ZMYM2: variants seen among roughly 807,000 people sequenced by gnomAD.
The protein encoded by ZMYM2 is zinc finger MYM-type containing 2.
Under a neutral mutation model 162.8 loss-of-function variants are expected in ZMYM2, and 56 were observed. The observed-to-expected ratio is 0.34, with a 90% CI of 0.28 to 0.43. The LOEUF is 0.43. ZMYM2 is among the 20% of genes least tolerant of loss of function. ZMYM2 has a pLI of 1.00. For synonymous variants in ZMYM2, 510 were observed against 541.6 expected, an observed-to-expected ratio of 0.94 and a Z score of 0.81; for missense variants, 1,275 against 1,621.8, an observed-to-expected ratio of 0.79 and a Z score of 3.67.
chr13:19,873,448 G>A, the ZMYM2 span, among the ~76,000 whole-genome samples: 6 of 149,484 alleles, frequency 4.0e-5, no homozygotes, highest in African/African-American at 1.5e-4. Context: ...TTGCTCTGTC[G>A]CCCAGGCTGG....
the ZMYM2 span, among the ~76,000 whole-genome samples, chr13:19,925,908 G>A: frequency 6.6e-6 from 1 of 151,824 alleles, no homozygotes; most frequent in Non-Finnish European, 1.5e-5. Context: ...CTCATAACAG[G>A]GGTTGGGGAT....
At chr13:19,997,143 T>C (rs1426138196) in intron 3 of ZMYM2, among the ~76,000 whole-genome samples, 1 of 152,228 alleles carries the variant, frequency 6.6e-6, no homozygotes, top group African/African-American at 2.4e-5. Context: ...CAGATCTGTG[T>C]AGTTTTGTTG....
chr13:19,949,029 G>A, the ZMYM2 span, among the ~76,000 whole-genome samples: 19 of 152,114 alleles, frequency 1.2e-4, no homozygotes, highest in African/African-American at 4.3e-4. Flanking sequence ...CAGCTCTTTG[G>A]GAGGCCGAGG....
chr13:20,006,602 A>C lies in ZMYM2; in HGVS notation c.1512+16A>C. The C allele has an allele frequency of 6.2e-7, 1 of 1,611,928 alleles. No homozygotes were observed. The highest frequency in any genetic ancestry group is 8.5e-7 in the Non-Finnish European group (1 of 1,178,680). On this transcript the variant is annotated intron_variant, in intron 6 of 24. Transcript: ENST00000610343. ...ATACAAACAGGTAATTCATGTTCTAATCAAAATTGGGCATTCTTTAGAATG... is the reference window on the plus strand; with the variant it reads ...ATACAAACAGGTAATTCATGTTCTACTCAAAATTGGGCATTCTTTAGAATG...
chr13:19,983,957 T>C (rs1948938866), intron 2 of ZMYM2, among the ~76,000 whole-genome samples: 1 of 152,206 alleles, frequency 6.6e-6, no homozygotes, highest in African/African-American at 2.4e-5. Context: ...ATTTTAAATC[T>C]ATCATATTAA....
intron 2 of ZMYM2, among the ~76,000 whole-genome samples, chr13:19,983,081 T>G (rs1168356830): frequency 6.6e-6 from 1 of 152,212 alleles, no homozygotes; most frequent in African/African-American, 2.4e-5. Context: ...GTTTTTCAGG[T>G]AAATCTTCCG....
At chr13:19,935,431 A>C in the ZMYM2 span, among the ~76,000 whole-genome samples, 2 of 152,126 alleles carry the variant, frequency 1.3e-5, no homozygotes, top group Non-Finnish European at 2.9e-5. Context: ...GCCACCACGC[A>C]CAGCTGGTGT....
intron 16 of ZMYM2, 141 bp from the exon 17 acceptor site, chr13:20,060,912 T>C (rs886954810): frequency 5.6e-5 from 43 of 770,276 alleles, no homozygotes; most frequent in Admixed American, 2.4e-4. Flanking sequence ...ACAGTTAACA[T>C]CTTAGTTTTG....
intron 19 of ZMYM2, chr13:20,066,647 A>C (rs948065036): frequency 2.5e-6 from 1 of 406,564 alleles, no homozygotes; most frequent in African/African-American, 2.1e-5. Flanking sequence ...TTGCTGTCTC[A>C]GGTGGCACGA....
chr13:20,048,830 C>G (rs1352181201), intron 12 of ZMYM2, among the ~76,000 whole-genome samples: 3 of 147,968 alleles, frequency 2.0e-5, no homozygotes, highest in Non-Finnish European at 4.5e-5. Context: ...CCCCCTCCCT[C>G]TTAGTTTGCT....
chr13:19,947,596 T>C, the ZMYM2 span, among the ~76,000 whole-genome samples: 1 of 151,740 alleles, frequency 6.6e-6, no homozygotes, highest in Non-Finnish European at 1.5e-5. Context: ...GTAGCTGGGA[T>C]TACAGGCACA....
chr13:19,937,866 C>T, the ZMYM2 span, among the ~76,000 whole-genome samples: 3 of 147,874 alleles, frequency 2.0e-5, no homozygotes, highest in Non-Finnish European at 4.4e-5. Flanking sequence ...TCAATTCCCA[C>T]CTATGAGTGA....
intron 19 of ZMYM2, among the ~76,000 whole-genome samples, chr13:20,066,126 C>T (rs978352206): frequency 6.6e-6 from 1 of 152,144 alleles, no homozygotes; most frequent in Admixed American, 6.5e-5. Context: ...TCAGGAATAC[C>T]AGTCAGTTCA....
At chr13:20,012,819 T>C (rs1951313066) in intron 6 of ZMYM2, among the ~76,000 whole-genome samples, 1 of 152,212 alleles carries the variant, frequency 6.6e-6, no homozygotes, top group Non-Finnish European at 1.5e-5. Flanking sequence ...CTGATCTACA[T>C]GTGTGATCTT....
chr13:19,982,064 G>A (rs1339426191), intron 2 of ZMYM2, among the ~76,000 whole-genome samples: 1 of 152,104 alleles, frequency 6.6e-6, no homozygotes, highest in Non-Finnish European at 1.5e-5. Flanking sequence ...TGGAGGTTAG[G>A]TCTCAGCACC....
At chr13:19,956,567 C>T (rs1005630272), upstream of ZMYM2, among the ~76,000 whole-genome samples, 1 of 152,044 alleles carries the variant, frequency 6.6e-6, no homozygotes, top group Non-Finnish European at 1.5e-5. Context: ...ACCAGCAAAC[C>T]AATGAACAGT....
chr13:19,900,770 CATTAAAAGG>C, the ZMYM2 span, among the ~76,000 whole-genome samples: 1 of 152,032 alleles, frequency 6.6e-6, no homozygotes, highest in African/African-American at 2.4e-5. Flanking sequence ...TTCAACAACA[CATTAAAAGG>C]ACTATACGCT....
chr13:20,075,300 TAA>T (rs1447799777), intron 21 of ZMYM2, among the ~76,000 whole-genome samples: 1 of 152,240 alleles, frequency 6.6e-6, no homozygotes, highest in Non-Finnish European at 1.5e-5. Context: ...TTGTAAGGAC[TAA>T]GTCTTATGAA....
intron 2 of ZMYM2, among the ~76,000 whole-genome samples, chr13:19,991,196 C>T (rs188256241): frequency 6.6e-5 from 10 of 152,152 alleles, no homozygotes; most frequent in South Asian, 2.1e-4. Context: ...TCACTGCAAC[C>T]TCGAACTCCT....
Sources: allele counts gnomAD v4.1 joint callset (sites outside exome capture counted in the v4.1 genomes callset), GRCh38; gene constraint gnomAD v4.1.1; transcripts MANE v1.5; gene names NCBI Gene and HGNC (gene_info 2026-07-23, HGNC 2026-07-21).